The following ZEB1 variants were observed in gnomAD, a reference collection of about 807,000 sequenced individuals.
ZEB1 encodes zinc finger E-box-binding homeobox 1.
A neutral mutation model predicts 84.9 loss-of-function variants in ZEB1; 21 were observed. The ratio of observed to expected loss-of-function variants is 0.25; its 90% CI spans 0.18 to 0.36. The LOEUF is 0.36. Among genes scored for constraint, ZEB1 ranks in the 10% least tolerant of loss-of-function variants. The pLI, the probability that ZEB1 is intolerant of heterozygous loss-of-function variation, is 1.00. For synonymous variants in ZEB1, 420 were observed against 471.1 expected (o/e 0.89, Z 1.41); for missense variants, 1,104 against 1,330.2 (o/e 0.83, Z 2.65).
At chr10:31,480,844 T>C (rs952388797) in intron 2 of ZEB1, among the ~76,000 whole-genome samples, 5 of 152,114 alleles carry the variant, frequency 3.3e-5, no homozygotes, top group African/African-American at 1.2e-4. Flanking sequence ...ACTTAGGTAA[T>C]TTCTTGTTTT....
chr10:31,497,975 T>TAGATA (rs1565123912), intron 3 of ZEB1, among the ~76,000 whole-genome samples: 10 of 107,894 alleles, frequency 9.3e-5, no homozygotes, highest in African/African-American at 3.4e-4. Flanking sequence ...ATAGATAGAT[T>TAGATA]TAAAAATATT....
intron 1 of ZEB1, among the ~76,000 whole-genome samples, chr10:31,442,887 G>A (rs1048725554): frequency 6.6e-6 from 1 of 152,194 alleles, no homozygotes; most frequent in Non-Finnish European, 1.5e-5. Context: ...TGTTGGTGGA[G>A]TGTTGTAATT....
chr10:31,349,300 TTCTC>T (rs1247517817), intron 1 of ZEB1, among the ~76,000 whole-genome samples: 1 of 152,228 alleles, frequency 6.6e-6, no homozygotes, highest in African/African-American at 2.4e-5. Context: ...GTATACTACA[TTCTC>T]TCTATCAGTT....
intron 1 of ZEB1, chr10:31,389,497 A>G (rs1306344285): frequency 6.6e-6 from 1 of 152,002 alleles, no homozygotes; most frequent in African/African-American, 2.4e-5. Context: ...GCTAGTCCCT[A>G]CTATAAATTT....
At chr10:31,332,312 A>G (rs1485102730) in intron 1 of ZEB1, among the ~76,000 whole-genome samples, 3 of 151,368 alleles carry the variant, frequency 2.0e-5, no homozygotes, top group Admixed American at 1.3e-4. Context: ...GGAATTGTAT[A>G]TTTTTTTTTC....
At chr10:31,388,368 C>T (rs2049016420) in intron 1 of ZEB1, among the ~76,000 whole-genome samples, 1 of 152,026 alleles carries the variant, frequency 6.6e-6, no homozygotes, top group African/African-American at 2.4e-5. Flanking sequence ...TTCTTATGGA[C>T]CATTAAAGTG....
intron 1 of ZEB1, among the ~76,000 whole-genome samples, chr10:31,361,458 G>T (rs1260979407): frequency 6.6e-6 from 1 of 152,202 alleles, no homozygotes; most frequent in African/African-American, 2.4e-5. Flanking sequence ...TGTCGAAAAT[G>T]CAAACCTGGG....
At chr10:31,512,241 C>T (rs1314850036) in intron 5 of ZEB1, among the ~76,000 whole-genome samples, 2 of 152,190 alleles carry the variant, frequency 1.3e-5, no homozygotes, top group East Asian at 3.8e-4. Context: ...ATTCCCTCTA[C>T]TCCAAGGGCC....
At chr10:31,459,931 A>G (rs1219316043) in intron 1 of ZEB1, among the ~76,000 whole-genome samples, 1 of 150,230 alleles carries the variant, frequency 6.7e-6, no homozygotes. Flanking sequence ...ATTATTTTTC[A>G]AGAATTGTTG....
At chr10:31,483,052 A>G (rs989808551) in intron 2 of ZEB1, among the ~76,000 whole-genome samples, 1 of 151,990 alleles carries the variant, frequency 6.6e-6, no homozygotes, top group South Asian at 2.1e-4. Flanking sequence ...AAATCAGGCT[A>G]ATTCTGCTTT....
intron 1 of ZEB1, among the ~76,000 whole-genome samples, chr10:31,364,993 C>T (rs1034390516): frequency 2.6e-5 from 4 of 152,226 alleles, no homozygotes; most frequent in African/African-American, 7.2e-5. Context: ...GTCAGCACAG[C>T]ACCATCCCAC....
chr10:31,514,557 A>G, intron 5 of ZEB1, 46 bp from the exon 6 acceptor site: 1 of 1,536,300 alleles, frequency 6.5e-7, no homozygotes. Context: ...TCTTTAGTCT[A>G]AAGATCTTTT....
chr10:31,409,140 A>C (rs548094817), intron 1 of ZEB1, among the ~76,000 whole-genome samples: 49 of 152,378 alleles, frequency 3.2e-4, no homozygotes, highest in Middle Eastern at 3.4e-3. Flanking sequence ...CAAACACATG[A>C]AAAAATGCTC....
intron 1 of ZEB1, among the ~76,000 whole-genome samples, chr10:31,385,374 C>CT (rs2048436203): frequency 6.6e-6 from 1 of 152,106 alleles, no homozygotes; most frequent in South Asian, 2.1e-4. Context: ...AAATCAAGTA[C>CT]TTTATAAATA....
intron 1 of ZEB1, among the ~76,000 whole-genome samples, chr10:31,425,079 C>G (rs1324980297): frequency 1.3e-5 from 2 of 151,840 alleles, no homozygotes; most frequent in African/African-American, 4.8e-5. Flanking sequence ...AGTTGTTACT[C>G]TGGGAGGAAT....
At chr10:31,421,413 G>A (rs2056145775) in intron 1 of ZEB1, among the ~76,000 whole-genome samples, 1 of 152,108 alleles carries the variant, frequency 6.6e-6, no homozygotes, top group Non-Finnish European at 1.5e-5. Context: ...TACAATTTAA[G>A]TGTAGCCTTT....
At chr10:31,474,310 A>C (rs1286416428) in intron 2 of ZEB1, among the ~76,000 whole-genome samples, 4 of 151,898 alleles carry the variant, frequency 2.6e-5, no homozygotes, top group Non-Finnish European at 5.9e-5. Context: ...CAACCTACTC[A>C]TCTGACAAAG....
At chr10:31,472,513 A>C in intron 2 of ZEB1, among the ~76,000 whole-genome samples, 1 of 151,080 alleles carries the variant, frequency 6.6e-6, no homozygotes, top group Non-Finnish European at 1.5e-5. Context: ...ACCAGGAAGA[A>C]GTTGAATCTC....
chr10:31,332,711 T>A (rs2037059474), intron 1 of ZEB1, among the ~76,000 whole-genome samples: 1 of 152,148 alleles, frequency 6.6e-6, no homozygotes, highest in East Asian at 1.9e-4. Context: ...ACCAGTGCCT[T>A]TTTTTAGACC....
Sources: gnomAD v4.1 joint callset for allele counts (sites outside exome capture counted in the v4.1 genomes callset) on GRCh38, gnomAD v4.1.1 for gene constraint, MANE v1.5 for transcripts, NCBI Gene and HGNC (gene_info 2026-07-23, HGNC 2026-07-21) for gene names.